MPP4: variants seen among roughly 807,000 people sequenced by gnomAD.
The protein encoded by MPP4 is MAGUK p55 subfamily member 4.
Under a neutral mutation model 98.3 loss-of-function variants are expected in MPP4, and 91 were observed. That is an observed-to-expected ratio of 0.93 (90% CI 0.78 to 1.10). The LOEUF is 1.10. Among genes scored for constraint, MPP4 ranks in the 50% least tolerant of loss-of-function variants. The pLI is 0.00. For missense variants in MPP4, 744 were observed against 792.9 expected (o/e 0.94, Z 0.74); for synonymous variants, 261 against 271.8 (o/e 0.96, Z 0.39).
intron 15 of MPP4, among the ~76,000 whole-genome samples, chr2:201,659,143 A>G (rs7605938): frequency 0.098 from 14,914 of 151,982 alleles, 857 homozygotes; most frequent in East Asian, 0.18. Flanking sequence ...TGATCCACCC[A>G]CCTCAGCCTC....
At chr2:201,692,824 C>A in intron 3 of MPP4, 84 bp downstream of exon 3, 1 of 1,535,730 alleles carries the variant, frequency 6.5e-7, no homozygotes, top group Non-Finnish European at 8.8e-7. Context: ...ACTATCCAGC[C>A]TGAATGGACT....
In MPP4 at chr2:201,649,602, T is replaced by C; in HGVS notation, c.1558A>G (p.Ile520Val). The change falls in exon 20 of 22, where the codon ATC becomes GTC. Residue 520 changes from isoleucine to valine, a missense_variant. By Grantham distance (29) the Ile-to-Val change is conservative. Transcript: ENST00000409474. ...TGAGGCTCTAGGTCCATGACACAGA[T>C]CTTTCCTTCGACAAGGACTGTTTGA... The part of the protein sequence containing the change: ...AVQTVLVEGK[I>V]CVMDLEPQDI... 6.2e-7 allele frequency: 1 copy of C among 1,607,238 alleles called. No individual in the cohort carries two copies. The highest frequency in any genetic ancestry group is 1.3e-5 in the African/African-American group (1 of 74,986).
At chr2:201,684,726 G>A (rs1051660209) in intron 7 of MPP4, among the ~76,000 whole-genome samples, 9 of 152,182 alleles carry the variant, frequency 5.9e-5, no homozygotes, top group African/African-American at 2.2e-4. Flanking sequence ...TGAGGTGGGC[G>A]GATCACGAGG....
chr2:201,654,317 T>C (rs1403316468), intron 18 of MPP4, among the ~76,000 whole-genome samples: 1 of 152,220 alleles, frequency 6.6e-6, no homozygotes, highest in Non-Finnish European at 1.5e-5. Context: ...TTTATAATCA[T>C]ACTCATAAAT....
chr2:201,683,889 T>C (rs1023888583), intron 7 of MPP4, among the ~76,000 whole-genome samples: 6 of 152,018 alleles, frequency 3.9e-5, no homozygotes, highest in Non-Finnish European at 7.4e-5. Flanking sequence ...TTCGGGGTAG[T>C]GAAGATGTAT....
chr2:201,670,000 C>G (rs1324027278), intron 11 of MPP4, among the ~76,000 whole-genome samples: 2 of 152,202 alleles, frequency 1.3e-5, no homozygotes, highest in African/African-American at 4.8e-5. Flanking sequence ...ATCCCGCCTT[C>G]TTCCATCCCA....
intron 6 of MPP4, 79 bp downstream of exon 6, chr2:201,685,840 A>C: frequency 6.5e-7 from 1 of 1,534,750 alleles, no homozygotes; most frequent in Non-Finnish European, 8.9e-7. Flanking sequence ...GCTACTGCCC[A>C]AGTAACCACT....
intron 21 of MPP4, among the ~76,000 whole-genome samples, chr2:201,647,116 A>G (rs925781920): frequency 3.4e-5 from 4 of 116,016 alleles, no homozygotes; most frequent in African/African-American, 1.3e-4. Context: ...AAATATATGT[A>G]CGCAACCGGA....
At chr2:201,689,157 G>A (rs573746726) in intron 4 of MPP4, among the ~76,000 whole-genome samples, 32 of 152,118 alleles carry the variant, frequency 2.1e-4, no homozygotes, top group African/African-American at 6.5e-4. Context: ...GTGAAACCCC[G>A]TCTCTACCCA....
chr2:201,649,633 A>T lies in MPP4; in HGVS notation c.1527T>A (p.Asp509Glu). The change falls in exon 20 of 22, where the codon GAT (aspartate) becomes GAA (glutamate). Residue 509 changes from aspartate (D) to glutamate (E), a missense_variant. Asp to Glu is a conservative substitution (Grantham distance 45). Coordinates refer to ENST00000409474, the MANE Select transcript of MPP4 (RefSeq NM_033066.3). ...CTTCGACAAGGACTGTTTGAACAGC[A>T]TCCACACTAGTGCCATACAGGTGGC... ...YKGHLYGTSV[D>E]AVQTVLVEGK... 1 of 1,611,238 alleles carries T rather than the reference A, an allele frequency of 6.2e-7. No individual in the cohort carries two copies. Among genetic ancestry groups the T allele is most frequent in the Non-Finnish European group, 8.5e-7 (1 of 1,178,824 alleles).
At chr2:201,660,932 T>G (rs1290193333) in intron 14 of MPP4, among the ~76,000 whole-genome samples, 1 of 152,154 alleles carries the variant, frequency 6.6e-6, no homozygotes, top group Non-Finnish European at 1.5e-5. Flanking sequence ...TGTTTTTTGG[T>G]TTGTTTTGAG....
chr2:201,669,772 A>G (rs1283737025), intron 11 of MPP4, 22 bp from the exon 12 acceptor site: 2 of 1,383,810 alleles, frequency 1.4e-6, no homozygotes, highest in African/African-American at 2.9e-5. Flanking sequence ...CAAATGATTG[A>G]AGCAGGGGGG....
At chr2:201,687,447 T>C in intron 4 of MPP4, 76 bp from the exon 5 acceptor site, 1 of 1,057,452 alleles carries the variant, frequency 9.5e-7, no homozygotes, top group Middle Eastern at 2.7e-4. Flanking sequence ...CCAGGCTGGA[T>C]AACATACATA....
intron 20 of MPP4, among the ~76,000 whole-genome samples, chr2:201,648,991 G>A (rs1049831136): frequency 2.0e-5 from 3 of 152,114 alleles, no homozygotes; most frequent in Non-Finnish European, 4.4e-5. Flanking sequence ...TTGAACCCGG[G>A]AAGCGGAGGT....
rs10578908 is a variant in MPP4, at chr2:201,684,218, CA to C, written c.574+845del. ...TGAGCAACAGATTAAGACCCTGTCTCAAAAAAAAAAAAAAAAAGTTTTTAGA... is the reference window on the plus strand; with the variant it reads ...TGAGCAACAGATTAAGACCCTGTCTCAAAAAAAAAAAAAAAAGTTTTTAGA... On this transcript the variant is annotated intron_variant, in intron 7 of 21. Transcript: ENST00000409474. 8.5e-3 allele frequency among the ~76,000 whole-genome samples: 1,166 copies of C among 136,880 alleles called. 7 individuals are homozygous for C. The highest frequency in any genetic ancestry group is 0.022 in the East Asian group (104 of 4,812). 89.8% of individuals were successfully genotyped at this position (136,880 alleles called of 152,430 possible).
chr2:201,680,642 A>G, intron 10 of MPP4, 196 bp downstream of exon 10: 1 of 540,012 alleles, frequency 1.9e-6, no homozygotes. Flanking sequence ...AGCTGATATG[A>G]TTATTCTCGT....
At chr2:201,658,426 A>G in intron 16 of MPP4, 51 bp downstream of exon 16, 1 of 1,516,918 alleles carries the variant, frequency 6.6e-7, no homozygotes, top group Non-Finnish European at 9.1e-7. Flanking sequence ...AGGTTTGGAA[A>G]CATAATTTAA....
intron 7 of MPP4, among the ~76,000 whole-genome samples, chr2:201,683,462 A>G (rs539252756): frequency 1.7e-3 from 261 of 152,334 alleles, no homozygotes; most frequent in African/African-American, 6.0e-3. Context: ...AATAAAACTG[A>G]GGAGGGCCAG....
intron 1 of MPP4, among the ~76,000 whole-genome samples, chr2:201,696,957 C>G (rs1488493058): frequency 6.6e-6 from 1 of 152,164 alleles, no homozygotes; most frequent in Non-Finnish European, 1.5e-5. Flanking sequence ...GTCCCCACCC[C>G]CAATTCAGAT....
Sources: gnomAD v4.1 joint callset for allele counts (sites outside exome capture counted in the v4.1 genomes callset) on GRCh38, gnomAD v4.1.1 for gene constraint, MANE v1.5 for transcripts, NCBI Gene and HGNC (gene_info 2026-07-23, HGNC 2026-07-21) for gene names.